PCDHGA5: variants seen among roughly 807,000 people sequenced by gnomAD.
The protein encoded by PCDHGA5 is protocadherin gamma subfamily A, 5.
In PCDHGA5, 36 loss-of-function variants were observed where a neutral mutation model predicts 56.7. That is an observed-to-expected ratio of 0.64 (90% CI 0.49 to 0.84). The LOEUF is 0.84. Among genes scored for constraint, PCDHGA5 ranks in the 40% least tolerant of loss-of-function variants. The probability of loss-of-function intolerance (pLI) is 0.00; values close to 1 mark genes in which losing one functional copy is unlikely to be tolerated. For missense variants in PCDHGA5, 1,305 were observed against 1,201.5 expected, an observed-to-expected ratio of 1.09 and a Z score of -1.27; for synonymous variants, 563 against 520.2, an observed-to-expected ratio of 1.08 and a Z score of -1.12.
At chr5:141,434,194 GTACT>G (rs527775432) in intron 1 of PCDHGA5, among the ~76,000 whole-genome samples, 169 of 152,308 alleles carry the variant, frequency 1.1e-3, no homozygotes, top group African/African-American at 3.9e-3. Flanking sequence ...TAATTCCAAT[GTACT>G]TACTTCTGTC....
At chr5:141,387,821 A>C (rs2091106896) in intron 1 of PCDHGA5, 3 of 1,577,920 alleles carry the variant, frequency 1.9e-6, no homozygotes, top group Non-Finnish European at 2.6e-6. Context: ...AAAATCTGCA[A>C]TACAGAGGTT....
rs2099634686 is a variant in PCDHGA5 at position 141,486,772 on chromosome 5, T to G, written c.2422-8035T>G. 1 of 1,614,246 alleles carries G rather than the reference T, an allele frequency of 6.2e-7. No individual in the cohort carries two copies. The highest frequency in any genetic ancestry group is 8.5e-7 in the Non-Finnish European group (1 of 1,180,042). Reference sequence around the variant, plus strand: ...ATGAGCAAACCCAGACACTGCAGTTTGAGGTGCAGGCCCGGGATCGGGGCA... The same window carrying G: ...ATGAGCAAACCCAGACACTGCAGTTGGAGGTGCAGGCCCGGGATCGGGGCA... On this transcript the variant is annotated intron_variant, in intron 1 of 3. Coordinates refer to ENST00000518069, the MANE Select transcript of PCDHGA5 (RefSeq NM_018918.3). This position sits in a 1 kb window ranked among gnomAD's most constrained non-coding sequence, Gnocchi z 5.0.
intron 1 of PCDHGA5, among the ~76,000 whole-genome samples, chr5:141,467,951 A>G (rs2099155044): frequency 6.6e-6 from 1 of 151,944 alleles, no homozygotes; most frequent in East Asian, 1.9e-4. Context: ...GAGCCACCAC[A>G]CCCGGCTGCC....
intron 1 of PCDHGA5, chr5:141,367,051 G>T: frequency 3.1e-6 from 1 of 325,810 alleles, no homozygotes; most frequent in Non-Finnish European, 5.6e-6. Context: ...TAATAGAAAA[G>T]ATGTTTTATT....
chr5:141,502,518 T>C (rs1388007900), intron 2 of PCDHGA5, among the ~76,000 whole-genome samples: 1 of 152,184 alleles, frequency 6.6e-6, no homozygotes, highest in Non-Finnish European at 1.5e-5. Flanking sequence ...CCACTATCAG[T>C]GATGCCGAGT....
At chr5:141,391,203 T>C (rs77020243) in intron 1 of PCDHGA5, 3 of 152,214 alleles carry the variant, frequency 2.0e-5, no homozygotes, top group Non-Finnish European at 4.4e-5. Flanking sequence ...ATATACAAAA[T>C]ACCAAGGAAC....
intron 2 of PCDHGA5, among the ~76,000 whole-genome samples, chr5:141,497,158 T>A (rs2099774560): frequency 6.6e-6 from 1 of 151,860 alleles, no homozygotes; most frequent in African/African-American, 2.4e-5. Flanking sequence ...AAAAATAATC[T>A]AGCCACAAAT....
Position 141,491,466 on chromosome 5 carries a change from T to G in PCDHGA5, c.2422-3341T>G. The G allele has an allele frequency of 6.2e-7, 1 of 1,614,068 alleles. No individual in the cohort carries two copies. Among genetic ancestry groups the G allele is most frequent in the Non-Finnish European group, 8.5e-7 (1 of 1,179,986 alleles). ...AGGACTCACCCTCCCCGGACTTCTA[T>G]AAGCAGTCCAGCCCCAACCTGCAGG... On this transcript the variant is annotated intron_variant, in intron 1 of 3. Coordinates refer to ENST00000518069, the MANE Select transcript of PCDHGA5 (RefSeq NM_018918.3). This position sits in a 1 kb window ranked among gnomAD's most constrained non-coding sequence, Gnocchi z 6.9.
chr5:141,478,336 C>T, intron 1 of PCDHGA5: 2 of 1,613,950 alleles, frequency 1.2e-6, no homozygotes, highest in South Asian at 2.2e-5. Context: ...CACCAGGGCC[C>T]TCCTTGCACG....
chr5:141,481,781 G>A (rs957054361), intron 1 of PCDHGA5, among the ~76,000 whole-genome samples: 3 of 151,998 alleles, frequency 2.0e-5, no homozygotes, highest in Admixed American at 6.6e-5. Context: ...GTGAAACCCC[G>A]TCTCTACTAA....
intron 1 of PCDHGA5, chr5:141,418,385 G>A (rs759618059): frequency 8.7e-6 from 14 of 1,613,930 alleles, no homozygotes; most frequent in Admixed American, 1.7e-5. Flanking sequence ...AAGTCCTAAC[G>A]AGTATTTCTC....
chr5:141,384,609 T>C (rs967686346), intron 1 of PCDHGA5: 1 of 1,614,148 alleles, frequency 6.2e-7, no homozygotes, highest in South Asian at 1.1e-5. Context: ...TCCCCACAGA[T>C]GGTTCTACTG....
chr5:141,454,860 T>G (rs62379170), intron 1 of PCDHGA5, among the ~76,000 whole-genome samples: 5,850 of 133,200 alleles, frequency 0.044, 153 homozygotes, highest in Middle Eastern at 0.11. Context: ...CAGGCTGGAG[T>G]GCAGTGGCAC....
intron 1 of PCDHGA5, chr5:141,409,421 G>C (rs1381290106): frequency 6.2e-7 from 1 of 1,614,044 alleles, no homozygotes; most frequent in South Asian, 1.1e-5. Context: ...ACTGGTGACA[G>C]ATGGAGCCCT....
rs764434052 is a variant in PCDHGA5, at chr5:141,431,792, C to T, written c.2422-63015C>T. ...TGTTCTGGACGTGAACGACAATGCC[C>T]CAGAAGTGGTCCTCACCTCTCTCGC... is the stretch of plus-strand genomic sequence containing the variant. On this transcript the variant is annotated intron_variant, in intron 1 of 3. Transcript: ENST00000518069. This position sits in a 1 kb window ranked among gnomAD's most constrained non-coding sequence, Gnocchi z 4.8. The T allele has an allele frequency of 3.7e-6, 6 of 1,614,234 alleles. No homozygotes were observed. The South Asian group carries it at 6.6e-5, about 18-fold the overall frequency.
intron 2 of PCDHGA5, among the ~76,000 whole-genome samples, chr5:141,497,879 G>A (rs62379207): frequency 4.6e-4 from 70 of 152,244 alleles, no homozygotes; most frequent in Non-Finnish European, 8.2e-4. Flanking sequence ...TGAAATAAGC[G>A]TTAGGATCTA....
At position 141,432,395 on chromosome 5, in the gene PCDHGA5, G is replaced by A; in HGVS notation, c.2422-62412G>A. 6.2e-7 allele frequency: 1 copy of A among 1,614,240 alleles called. No individual in the cohort carries two copies. ...CGGGCACCCGCCCCTCAGCAGCAAC[G>A]TGTCGTTGAGCCTGTTCGTGCTGGA... On this transcript the variant is annotated intron_variant, in intron 1 of 3. Coordinates refer to ENST00000518069, the MANE Select transcript of PCDHGA5 (RefSeq NM_018918.3). This position sits in a 1 kb window ranked among gnomAD's most constrained non-coding sequence, Gnocchi z 6.0.
At position 141,365,144 on chromosome 5, in the gene PCDHGA5, G is replaced by A. The variant is rs1763761233; in HGVS notation, c.814G>A (p.Gly272Arg). 6.2e-7 allele frequency: 1 copy of A among 1,613,746 alleles called. No homozygotes were observed. The highest frequency in any genetic ancestry group is 1.3e-5 in the African/African-American group (1 of 74,910). The change falls in exon 1 of 4, where the codon GGA (glycine) becomes AGA (arginine). Residue 272 changes from glycine to arginine, a missense_variant. Coordinates refer to ENST00000518069, the MANE Select transcript of PCDHGA5 (RefSeq NM_018918.3). ...GCTAACCGCCACGGATCCAGATGAG[G>A]GAATAAACGGGAAATTGACCTACTC... ...LMLTATDPDE[G>R]INGKLTYSFR...
chr5:141,423,970 A>C, intron 1 of PCDHGA5: 1 of 1,143,228 alleles, frequency 8.7e-7, no homozygotes, highest in Non-Finnish European at 1.1e-6. Flanking sequence ...TTCTATTATC[A>C]GTGTATGAGG....
Sources: allele counts gnomAD v4.1 joint callset (sites outside exome capture counted in the v4.1 genomes callset), GRCh38; gene constraint gnomAD v4.1.1; non-coding constraint Gnocchi (gnomAD v3.1); transcripts MANE v1.5; gene names NCBI Gene and HGNC (gene_info 2026-07-23, HGNC 2026-07-21).